Variants in TEX2 observed in about 807,000 individuals in gnomAD.
The protein encoded by TEX2 is testis-expressed protein 2.
TEX2 carries 53 observed loss-of-function variants against 106.9 expected under a neutral mutation model. That is an observed-to-expected ratio of 0.50 (90% CI 0.40 to 0.62). The LOEUF (loss-of-function observed/expected upper bound fraction) is 0.62. Ranked by LOEUF, TEX2 falls within the 20% of genes least tolerant of loss-of-function variation. TEX2 has a pLI of 0.00. For synonymous variants in TEX2, 523 were observed against 534.8 expected (o/e 0.98, Z 0.30); for missense variants, 1,207 against 1,379.0 (o/e 0.88, Z 1.98).
At chr17:64,218,127 T>A (rs962582994) in intron 1 of TEX2, among the ~76,000 whole-genome samples, 2 of 152,070 alleles carry the variant, frequency 1.3e-5, no homozygotes, top group Non-Finnish European at 2.9e-5. Context: ...ACACCTGTAA[T>A]CCCAGCTACT....
intron 2 of TEX2, among the ~76,000 whole-genome samples, chr17:64,201,565 G>T (rs1555630093): frequency 6.6e-6 from 1 of 152,112 alleles, no homozygotes; most frequent in African/African-American, 2.4e-5. Context: ...GCCTTCCAAT[G>T]TCTACAGAGT....
chr17:64,162,960 C>T (rs1271546091), intron 7 of TEX2, among the ~76,000 whole-genome samples: 1 of 152,170 alleles, frequency 6.6e-6, no homozygotes, highest in Admixed American at 6.5e-5. Flanking sequence ...CTGTACTGGT[C>T]AGCCATGGAG....
chr17:64,220,074 C>T (rs2033315660), intron 1 of TEX2, among the ~76,000 whole-genome samples: 1 of 152,110 alleles, frequency 6.6e-6, no homozygotes, highest in Non-Finnish European at 1.5e-5. Flanking sequence ...GGAGCATGAC[C>T]CAAGGAATGC....
chr17:64,198,321 T>C (rs2032543990), intron 2 of TEX2, among the ~76,000 whole-genome samples: 1 of 150,892 alleles, frequency 6.6e-6, no homozygotes, highest in African/African-American at 2.4e-5. Context: ...ATAACAGGTT[T>C]ACCAGGGCTA....
At chr17:64,178,830 G>A (rs2031720542) in intron 5 of TEX2, among the ~76,000 whole-genome samples, 1 of 152,228 alleles carries the variant, frequency 6.6e-6, no homozygotes, top group African/African-American at 2.4e-5. Flanking sequence ...GTGCATTCGT[G>A]CCAGTGCTAT....
At chr17:64,149,174 C>T (rs1224020771) in intron 11 of TEX2, 83 bp from the exon 12 acceptor site, 1 of 1,464,978 alleles carries the variant, frequency 6.8e-7, no homozygotes, top group African/African-American at 1.4e-5. Context: ...AATTTTAGGG[C>T]TTAGACTGAT....
In TEX2 at chr17:64,188,404, C is replaced by T. The variant is rs1269779283; in HGVS notation, c.2188G>A (p.Ala730Thr). 6.2e-7 allele frequency: 1 copy of T among 1,614,158 alleles called. No individual in the cohort carries two copies. Among genetic ancestry groups the T allele is most frequent in the Admixed American group, 1.7e-5 (1 of 60,022 alleles). The change falls in exon 5 of 12, where the codon GCA (alanine) becomes ACA (threonine). Residue 730 changes from alanine (A) to threonine (T), a missense_variant. Coordinates refer to ENST00000584379, the MANE Select transcript of TEX2 (RefSeq NM_001288732.2). The part of the protein sequence containing the change: ...VSGGKPGLLP[A>T]HSRHNSPSGH... ...GACGGACTGTTGTGTCTGCTGTGTG[C>T]AGGCAAAAGCCCTGGAGCCAAGAAG...
Position 64,212,572 on chromosome 17 carries a change from A to G in TEX2, c.1644+2T>C, listed in dbSNP as rs1555631682. ...CTAGCCAGCTCCCGGGGAGAGGCTT[A>G]CCTTCAGTATTTCAGGTTCTTTGAT... is the stretch of plus-strand genomic sequence containing the variant. On this transcript the variant is annotated splice_donor_variant, in intron 2 of 11. Transcript: ENST00000584379. LOFTEE classifies it high-confidence loss of function. The G allele has an allele frequency of 6.2e-7, 1 of 1,611,712 alleles. No individual in the cohort carries two copies.
chr17:64,171,017 C>T (rs1455811532), intron 7 of TEX2, 83 bp downstream of exon 7: 6 of 1,125,964 alleles, frequency 5.3e-6, no homozygotes, highest in African/African-American at 1.5e-5. Flanking sequence ...CCTCAACACC[C>T]TCCAAACACA....
intron 5 of TEX2, among the ~76,000 whole-genome samples, chr17:64,179,497 T>C (rs1224972444): frequency 6.6e-6 from 1 of 152,210 alleles, no homozygotes; most frequent in East Asian, 1.9e-4. Context: ...TAAACCTTCC[T>C]ACTACTCACT....
chr17:64,234,518 A>G (rs2033726171), intron 1 of TEX2, among the ~76,000 whole-genome samples: 1 of 152,234 alleles, frequency 6.6e-6, no homozygotes, highest in South Asian at 2.1e-4. Context: ...AATACCACCC[A>G]GATAACTCAA....
At chr17:64,242,367 G>A (rs1360212241) in intron 1 of TEX2, 1 of 152,178 alleles carries the variant, frequency 6.6e-6, no homozygotes, top group Non-Finnish European at 1.5e-5. Context: ...CTTTGTATAA[G>A]GTTGTTTCTG....
intron 11 of TEX2, chr17:64,149,984 T>A (rs2030270606): frequency 1.3e-5 from 2 of 151,292 alleles, no homozygotes; most frequent in South Asian, 4.2e-4. Flanking sequence ...TTCCCCTCAG[T>A]AGGTTCAAAG....
intron 1 of TEX2, among the ~76,000 whole-genome samples, chr17:64,237,990 A>G (rs569962314): frequency 9.2e-5 from 14 of 152,312 alleles, no homozygotes; most frequent in African/African-American, 3.4e-4. Flanking sequence ...ACAAAACTGC[A>G]CAAGCAACAT....
intron 4 of TEX2, among the ~76,000 whole-genome samples, chr17:64,188,879 G>T (rs2032192353): frequency 6.6e-6 from 1 of 151,852 alleles, no homozygotes; most frequent in Non-Finnish European, 1.5e-5. Context: ...TTTCTCTAAG[G>T]TAATTTTTAA....
intron 7 of TEX2, among the ~76,000 whole-genome samples, chr17:64,167,919 T>C (rs2031215586): frequency 6.6e-6 from 1 of 152,184 alleles, no homozygotes; most frequent in South Asian, 2.1e-4. Context: ...GGTCCAGAGC[T>C]GGTGCTCAAA....
chr17:64,167,312 G>C (rs1208619808), intron 7 of TEX2, among the ~76,000 whole-genome samples: 1 of 152,140 alleles, frequency 6.6e-6, no homozygotes, highest in Admixed American at 6.5e-5. Flanking sequence ...TATCCTAGTA[G>C]GATCTGCCAG....
At chr17:64,188,690 C>T (rs937520802) in intron 4 of TEX2, among the ~76,000 whole-genome samples, 15 of 151,890 alleles carry the variant, frequency 9.9e-5, no homozygotes, top group Admixed American at 9.8e-4. Flanking sequence ...GTGGTGGGCG[C>T]CGGTAGTCTC....
chr17:64,162,152 T>C (rs1196915206), intron 7 of TEX2, among the ~76,000 whole-genome samples: 1 of 152,242 alleles, frequency 6.6e-6, no homozygotes, highest in Non-Finnish European at 1.5e-5. Flanking sequence ...TGTGATTATC[T>C]TCTTTGCAGC....
Sources: allele counts gnomAD v4.1 joint callset (sites outside exome capture counted in the v4.1 genomes callset), GRCh38; gene constraint gnomAD v4.1.1; transcripts MANE v1.5; gene names NCBI Gene and HGNC (gene_info 2026-07-23, HGNC 2026-07-21).